SLC9A9: variants seen among roughly 807,000 people sequenced by gnomAD.
The protein encoded by SLC9A9 is sodium/hydrogen exchanger 9.
In SLC9A9, 62 loss-of-function variants were observed where a neutral mutation model predicts 77.8. That is an observed-to-expected ratio of 0.80 (90% CI 0.65 to 0.98). The LOEUF (loss-of-function observed/expected upper bound fraction) is 0.98. Among genes scored for constraint, SLC9A9 ranks in the 50% least tolerant of loss-of-function variants. The pLI, the probability that SLC9A9 is intolerant of heterozygous loss-of-function variation, is 0.00. For synonymous variants in SLC9A9, 320 were observed against 283.5 expected (o/e 1.13, Z -1.29); for missense variants, 775 against 774.9 (o/e 1.00, Z 0.00).
chr3:143,269,647 A>C (rs1937843568), intron 14 of SLC9A9, among the ~76,000 whole-genome samples: 1 of 152,216 alleles, frequency 6.6e-6, no homozygotes, highest in Admixed American at 6.5e-5. Context: ...TCAATAATGA[A>C]ATCCCCAGAG....
chr3:143,724,073 T>C (rs1474029332), intron 4 of SLC9A9, among the ~76,000 whole-genome samples: 2 of 152,218 alleles, frequency 1.3e-5, no homozygotes, highest in African/African-American at 4.8e-5. Flanking sequence ...GCAGCGATTG[T>C]TTTTCTCATG....
chr3:143,606,524 A>G (rs2037932253), intron 6 of SLC9A9, among the ~76,000 whole-genome samples: 1 of 148,742 alleles, frequency 6.7e-6, no homozygotes, highest in Admixed American at 6.7e-5. Context: ...AAGAGCTAGT[A>G]GTGTAAAAAG....
chr3:143,720,761 T>A (rs565699773), intron 4 of SLC9A9, among the ~76,000 whole-genome samples: 5 of 152,174 alleles, frequency 3.3e-5, no homozygotes, highest in African/African-American at 1.2e-4. Flanking sequence ...GCTGAAACAA[T>A]GGACAGAGTG....
At chr3:143,573,523 T>C (rs1271493138) in intron 8 of SLC9A9, among the ~76,000 whole-genome samples, 1 of 152,100 alleles carries the variant, frequency 6.6e-6, no homozygotes, top group Non-Finnish European at 1.5e-5. Flanking sequence ...ACTGCCCCCT[T>C]TCTATCAACT....
chr3:143,470,103 G>C (rs972907382), intron 11 of SLC9A9, among the ~76,000 whole-genome samples: 1 of 152,180 alleles, frequency 6.6e-6, no homozygotes, highest in African/African-American at 2.4e-5. Context: ...ATAGACTTCT[G>C]TATCTGAGGA....
intron 5 of SLC9A9, among the ~76,000 whole-genome samples, chr3:143,675,649 C>T (rs9873087): frequency 0.7 from 106,644 of 152,034 alleles, 37,742 homozygotes; most frequent in East Asian, 0.84. Flanking sequence ...CAATATCATA[C>T]TGAGTTTGAA....
chr3:143,444,694 G>A (rs557370510), intron 12 of SLC9A9, among the ~76,000 whole-genome samples: 1 of 152,268 alleles, frequency 6.6e-6, no homozygotes, highest in South Asian at 2.1e-4. Context: ...GCTTGGGCCT[G>A]CCACCAGGGG....
At chr3:143,841,014 G>A (rs544553194) in intron 1 of SLC9A9, among the ~76,000 whole-genome samples, 4 of 152,208 alleles carry the variant, frequency 2.6e-5, no homozygotes, top group Admixed American at 1.3e-4. Context: ...ATCTGGCACG[G>A]AGCGAACAGT....
chr3:143,507,898 G>A (rs1464919358), intron 9 of SLC9A9, among the ~76,000 whole-genome samples: 3 of 152,080 alleles, frequency 2.0e-5, no homozygotes, highest in Non-Finnish European at 2.9e-5. Context: ...CAGAGAGAAT[G>A]AGCAAGCAAG....
chr3:143,716,186 T>G (rs1052209636), intron 4 of SLC9A9, among the ~76,000 whole-genome samples: 4 of 152,110 alleles, frequency 2.6e-5, no homozygotes, highest in Non-Finnish European at 5.9e-5. Context: ...GAGATCCTCC[T>G]GCCTCAGCCT....
intron 12 of SLC9A9, among the ~76,000 whole-genome samples, chr3:143,382,410 C>A (rs779526027): frequency 2.0e-5 from 3 of 152,112 alleles, no homozygotes; most frequent in African/African-American, 7.2e-5. Context: ...GGAAAAAGAC[C>A]TCCATAGCCC....
intron 14 of SLC9A9, among the ~76,000 whole-genome samples, chr3:143,269,670 G>C (rs1937844457): frequency 6.6e-6 from 1 of 152,138 alleles, no homozygotes; most frequent in African/African-American, 2.4e-5. Context: ...GCCTCAGGTT[G>C]CCTTATTTTA....
chr3:143,724,053 G>T (rs1247367535), intron 4 of SLC9A9, among the ~76,000 whole-genome samples: 3 of 152,114 alleles, frequency 2.0e-5, no homozygotes, highest in Middle Eastern at 6.3e-3. Context: ...TGTCAGAATT[G>T]AAGCCCACTG....
At chr3:143,606,890 A>G (rs981069598) in intron 6 of SLC9A9, among the ~76,000 whole-genome samples, 4 of 152,158 alleles carry the variant, frequency 2.6e-5, no homozygotes, top group Admixed American at 1.3e-4. Flanking sequence ...GAACTATTCT[A>G]AGAAATTTTT....
intron 2 of SLC9A9, among the ~76,000 whole-genome samples, chr3:143,803,126 C>T (rs1024305630): frequency 1.3e-5 from 2 of 152,154 alleles, no homozygotes; most frequent in East Asian, 1.9e-4. Context: ...CCCCAACTGC[C>T]GTCCACCTGC....
chr3:143,422,333 G>T (rs1237677489), intron 12 of SLC9A9, among the ~76,000 whole-genome samples: 1 of 152,184 alleles, frequency 6.6e-6, no homozygotes, highest in Non-Finnish European at 1.5e-5. Flanking sequence ...CAAGAGCAAA[G>T]ACATGGAATC....
At chr3:143,275,021 T>C (rs1441108307) in intron 14 of SLC9A9, among the ~76,000 whole-genome samples, 1 of 152,212 alleles carries the variant, frequency 6.6e-6, no homozygotes, top group Admixed American at 6.5e-5. Flanking sequence ...CTTTTGTCAA[T>C]TTCTCTCTAG....
intron 1 of SLC9A9, among the ~76,000 whole-genome samples, chr3:143,835,019 G>A (rs2009533681): frequency 6.6e-6 from 1 of 152,094 alleles, no homozygotes; most frequent in African/African-American, 2.4e-5. Context: ...CAAGCAGATG[G>A]GGACTCCTCT....
At chr3:143,821,863 T>C (rs2009173511) in intron 2 of SLC9A9, among the ~76,000 whole-genome samples, 1 of 152,210 alleles carries the variant, frequency 6.6e-6, no homozygotes, top group Non-Finnish European at 1.5e-5. Flanking sequence ...TAGGTACTGT[T>C]CTCAGGTTTA....
Sources: gnomAD v4.1 joint callset for allele counts (sites outside exome capture counted in the v4.1 genomes callset) on GRCh38, gnomAD v4.1.1 for gene constraint, MANE v1.5 for transcripts, NCBI Gene and HGNC (gene_info 2026-07-23, HGNC 2026-07-21) for gene names.